NRBF2: variants seen among roughly 807,000 people sequenced by gnomAD.
The protein encoded by NRBF2 is nuclear receptor-binding factor 2.
In NRBF2, 12 loss-of-function variants were observed where a neutral mutation model predicts 28.5. The ratio of observed to expected loss-of-function variants is 0.42; its 90% CI spans 0.27 to 0.68. The LOEUF (loss-of-function observed/expected upper bound fraction) is 0.68. Among genes scored for constraint, NRBF2 ranks in the 30% least tolerant of loss-of-function variants. The pLI is 0.24. For missense variants in NRBF2, 274 were observed against 333.5 expected (o/e 0.82, Z 1.39); for synonymous variants, 102 against 116.5 (o/e 0.88, Z 0.80).
chr10:63,148,990 C>T, intron 2 of NRBF2, among the ~76,000 whole-genome samples: 1 of 152,174 alleles, frequency 6.6e-6, no homozygotes, highest in African/African-American at 2.4e-5. Context: ...AAATCTTAAC[C>T]TAAGCCTTTT....
intron 1 of NRBF2, among the ~76,000 whole-genome samples, chr10:63,141,433 C>G (rs1398296946): frequency 6.6e-6 from 1 of 152,172 alleles, no homozygotes; most frequent in Non-Finnish European, 1.5e-5. Context: ...AAAACCCTGT[C>G]TCAAAAGTAA....
In NRBF2 at chr10:63,149,032, T is replaced by C. The variant is rs550670410; in HGVS notation, c.115+2739T>C. Among the ~76,000 whole-genome samples, 5 of 152,348 alleles carry C rather than the reference T, an allele frequency of 3.3e-5. No homozygotes were observed. In the East Asian group the frequency reaches 9.6e-4, roughly 29 times the overall value. On this transcript the variant is annotated intron_variant, in intron 2 of 3. Transcript: ENST00000277746. ...GGTAACATGAAAATGATTCTATCCT[T>C]ATTCAGAGGCAGTATATTGCTGCAC...
chr10:63,144,231 T>A (rs1210561563), intron 1 of NRBF2, among the ~76,000 whole-genome samples: 1 of 152,020 alleles, frequency 6.6e-6, no homozygotes, highest in Non-Finnish European at 1.5e-5. Context: ...ACTCCCCATT[T>A]CCCCCTCCCC....
chr10:63,147,299 G>T (rs1328646673), intron 2 of NRBF2, among the ~76,000 whole-genome samples: 1 of 151,772 alleles, frequency 6.6e-6, no homozygotes, highest in East Asian at 1.9e-4. Context: ...CTGGAAGTTG[G>T]TAATTTTCAG....
intron 2 of NRBF2, 98 bp downstream of exon 2, chr10:63,146,391 T>G: frequency 1.3e-6 from 1 of 743,776 alleles, no homozygotes; most frequent in Non-Finnish European, 2.2e-6. Flanking sequence ...CTGATACTGC[T>G]GACCCACCAG....
At chr10:63,141,347 G>A (rs981214963) in intron 1 of NRBF2, among the ~76,000 whole-genome samples, 1 of 152,094 alleles carries the variant, frequency 6.6e-6, no homozygotes, top group African/African-American at 2.4e-5. Context: ...GAGGTGGCAG[G>A]ATTGCTGGAG....
chr10:63,143,742 A>G (rs1403468236), intron 1 of NRBF2, among the ~76,000 whole-genome samples: 6 of 138,846 alleles, frequency 4.3e-5, no homozygotes, highest in African/African-American at 1.1e-4. Context: ...ATGAGCCACC[A>G]TGCCCGATTT....
Position 63,146,237 on chromosome 10 carries a change from G to C in NRBF2, c.59G>C (p.Arg20Pro). The C allele has an allele frequency of 6.2e-7, 1 of 1,612,178 alleles. No homozygotes were observed. The highest frequency in any genetic ancestry group is 8.5e-7 in the Non-Finnish European group (1 of 1,179,706). Reference protein sequence around the residue: ...LAHQQSRRADRLLAAGKYEEA... With the variant: ...LAHQQSRRADPLLAAGKYEEA... ...CATCAACAGAGCAGACGAGCAGACC[G>C]TTTATTAGCTGCAGGCAAATACGAA... Residue 20 changes from arginine to proline, a missense_variant, in exon 2 of 4, where the codon CGT becomes CCT. Arg to Pro is a moderately radical substitution (Grantham distance 103). Transcript: ENST00000277746.
chr10:63,140,921 A>C (rs1298709170), intron 1 of NRBF2, among the ~76,000 whole-genome samples: 1 of 151,804 alleles, frequency 6.6e-6, no homozygotes, highest in East Asian at 1.9e-4. Context: ...GGCTGGTCTC[A>C]AACTCCTGAC....
Position 63,153,634 on chromosome 10 carries a change from G to A in NRBF2, c.280G>A (p.Ala94Thr), listed in dbSNP as rs1841683882. The A allele has an allele frequency of 6.2e-7, 1 of 1,611,930 alleles. No homozygotes were observed. Residue 94 changes from alanine (A) to threonine (T), a missense_variant, in exon 4 of 4, where the codon GCA becomes ACA. Physicochemically the swap from Ala to Thr is moderately conservative, Grantham distance 58. Transcript: ENST00000277746. ...LKAQQNTDKD[A>T]AAHLQTSHKP... Reference sequence around the variant, plus strand: ...AGCCCAGCAGAACACAGACAAGGATGCAGCTGCCCATCTTCAGACATCTCA... The same window carrying A: ...AGCCCAGCAGAACACAGACAAGGATACAGCTGCCCATCTTCAGACATCTCA...
intron 1 of NRBF2, among the ~76,000 whole-genome samples, chr10:63,142,306 T>G (rs1470849864): frequency 6.7e-6 from 1 of 149,476 alleles, no homozygotes. Context: ...TTTTTTGTTT[T>G]TTTTGTTTTT....
In NRBF2 at chr10:63,147,511, TC is replaced by T. The variant is rs1167576486; in HGVS notation, c.115+1220del. Among the ~76,000 whole-genome samples, 7 of 151,696 alleles carry T rather than the reference TC, an allele frequency of 4.6e-5. No individual in the cohort carries two copies. The South Asian group carries it at 8.3e-4, about 18-fold the overall frequency. ...TGTATTTTTGTAGAGACAGGGTTTC[TC>T]CATGTTGGCCAGGCTGGTCTCGAAC... is the stretch of plus-strand genomic sequence containing the variant. On this transcript the variant is annotated intron_variant, in intron 2 of 3. Transcript: ENST00000277746.
intron 2 of NRBF2, among the ~76,000 whole-genome samples, 154 bp from the exon 3 acceptor site, chr10:63,151,996 G>A (rs1841658643): frequency 6.6e-6 from 1 of 152,156 alleles, no homozygotes; most frequent in African/African-American, 2.4e-5. Flanking sequence ...CATCCTTTTG[G>A]GGGAAGTTAA....
intron 1 of NRBF2, among the ~76,000 whole-genome samples, chr10:63,136,037 G>C (rs1841372355): frequency 6.6e-6 from 1 of 151,994 alleles, no homozygotes; most frequent in Non-Finnish European, 1.5e-5. Context: ...GACGTTGACG[G>C]TTACTTGAAT....
At chr10:63,136,385 A>G (rs1412385546) in intron 1 of NRBF2, among the ~76,000 whole-genome samples, 3 of 152,088 alleles carry the variant, frequency 2.0e-5, no homozygotes, top group Non-Finnish European at 4.4e-5. Flanking sequence ...CTATAATTTG[A>G]ATGTCTTTGA....
At position 63,154,630 on chromosome 10, in the gene NRBF2, A is replaced by G. The variant is rs1564533009; in HGVS notation, c.*412A>G. On this transcript the variant is annotated 3_prime_UTR_variant, in exon 4 of 4. Transcript: ENST00000277746. The stretch of plus-strand genomic sequence containing the variant: ...ATATGGTGGCCGGAGGGGCTGCCTT[A>G]TATTTGAAACATGCTTTCTATCATG... 6.1e-6 allele frequency: 1 copy of G among 163,456 alleles called. No individual in the cohort carries two copies. Among genetic ancestry groups the G allele is most frequent in the Non-Finnish European group, 1.3e-5 (1 of 74,812 alleles). 10.1% of individuals were successfully genotyped at this position (163,456 alleles called of 1,614,324 possible).
At chr10:63,147,228 AAAT>A (rs1841575436) in intron 2 of NRBF2, among the ~76,000 whole-genome samples, 2 of 152,098 alleles carry the variant, frequency 1.3e-5, no homozygotes, top group South Asian at 4.1e-4. Context: ...TTTACTTGTG[AAAT>A]ACAGACTGCA....
intron 1 of NRBF2, among the ~76,000 whole-genome samples, chr10:63,144,087 A>C (rs1343031863): frequency 6.6e-6 from 1 of 152,136 alleles, no homozygotes; most frequent in Non-Finnish European, 1.5e-5. Context: ...TGATGTAAAA[A>C]ACACGTGAAG....
chr10:63,150,300 C>T (rs1005608510), intron 2 of NRBF2: 3 of 732,638 alleles, frequency 4.1e-6, no homozygotes, highest in Non-Finnish European at 5.0e-6. Context: ...TAGTATGCAG[C>T]TGTACAGACA....
Sources: gnomAD v4.1 joint callset for allele counts (sites outside exome capture counted in the v4.1 genomes callset) on GRCh38, gnomAD v4.1.1 for gene constraint, MANE v1.5 for transcripts, NCBI Gene and HGNC (gene_info 2026-07-23, HGNC 2026-07-21) for gene names.